BZW1: variants seen among roughly 807,000 people sequenced by gnomAD.
The protein encoded by BZW1 is eIF5-mimic protein 2.
Under a neutral mutation model 54.1 loss-of-function variants are expected in BZW1, and 3 were observed. That is an observed-to-expected ratio of 0.06 (90% CI 0.03 to 0.14). The LOEUF is 0.14. Among genes scored for constraint, BZW1 ranks in the 10% least tolerant of loss-of-function variants. BZW1 has a pLI of 1.00. For synonymous variants in BZW1, 152 were observed against 162.7 expected (o/e 0.93, Z 0.50); for missense variants, 206 against 491.7 (o/e 0.42, Z 5.50).
chr2:200,812,079 G>C (rs1306420079), intron 1 of BZW1, 89 bp downstream of exon 1: 1 of 524,846 alleles, frequency 1.9e-6, no homozygotes. Context: ...GCTGGATGCG[G>C]CCCGGCTTGG....
Position 200,826,833 on chromosome 2 carries a change from A to G in BZW1, c.*4655A>G, listed in dbSNP as rs1176099747. On this transcript the variant is annotated 3_prime_UTR_variant, in exon 12 of 12. Transcript: ENST00000409600. ...GGTGCTACAACGTTAATCAAATATA[A>G]TTGAGCTGTTCTGTTTCCAGTCAGT... 1 of 152,122 alleles carries G rather than the reference A, an allele frequency of 6.6e-6. No homozygotes were observed. The highest frequency in any genetic ancestry group is 2.4e-5 in the African/African-American group (1 of 41,416). The allele number at this position is 152,122 out of a possible 1,614,324, so 9.4% of individuals were successfully genotyped here.
rs771970525 is a variant in BZW1, at chr2:200,815,397, A to G, written c.121A>G (p.Thr41Ala). The G allele has an allele frequency of 6.2e-7, 1 of 1,614,012 alleles. No individual in the cohort carries two copies. The highest frequency in any genetic ancestry group is 1.3e-5 in the African/African-American group (1 of 75,066). ...TCAAGACTGTATTATTCAAGGCTTA[A>G]CTGAAACCGGTACTGATTTGGAAGC... is the stretch of plus-strand genomic sequence containing the variant. ...QFQDCIIQGL[T>A]ETGTDLEAVA... The change falls in exon 3 of 12, where the codon ACT (threonine) becomes GCT (alanine). Residue 41 changes from threonine to alanine, a missense_variant. Around this residue, in one of 5 missense-constraint regions of BZW1, gnomAD observed 26 missense variants for 26.9 expected, o/e 0.97. Coordinates refer to ENST00000409600, the MANE Select transcript of BZW1 (RefSeq NM_001207067.2).
At position 200,813,202 on chromosome 2, in the gene BZW1, T is replaced by TA; in HGVS notation, c.-10-6_-10-5insA. ...TGATATTAAGGCTTTATTTCTCCTT[T>TA]CCTAGGGTGTCTTTTATGAATAATC... On this transcript the variant is annotated splice_region_variant and splice_polypyrimidine_tract_variant and intron_variant, in intron 1 of 11. Transcript: ENST00000409600. 1 of 1,611,642 alleles carries TA rather than the reference T, an allele frequency of 6.2e-7. No homozygotes were observed. The highest frequency in any genetic ancestry group is 2.2e-5 in the East Asian group (1 of 44,852).
At position 200,823,289 on chromosome 2, in the gene BZW1, A is replaced by G. The variant is rs1219791080; in HGVS notation, c.*1111A>G. The G allele has an allele frequency of 1.2e-5, 2 of 164,760 alleles. No individual in the cohort carries two copies. The highest frequency in any genetic ancestry group is 1.9e-4 in the East Asian group (1 of 5,208). The allele number at this position is 164,760 out of a possible 1,614,324, so 10.2% of individuals were successfully genotyped here. A position where few individuals can be genotyped will look rare whatever the true frequency, so the allele number is the denominator to read the frequency against. ...TCAGTAATGACTCAAGCCTCTGGCTATTAACATACCCTAGTTGCCGTTTTT... is the reference window on the plus strand; with the variant it reads ...TCAGTAATGACTCAAGCCTCTGGCTGTTAACATACCCTAGTTGCCGTTTTT... On this transcript the variant is annotated 3_prime_UTR_variant, in exon 12 of 12. Coordinates refer to ENST00000409600, the MANE Select transcript of BZW1 (RefSeq NM_001207067.2).
chr2:200,812,777 G>A, intron 1 of BZW1: 2 of 708,406 alleles, frequency 2.8e-6, no homozygotes, highest in Non-Finnish European at 5.3e-6. Flanking sequence ...CAGAAGAAGG[G>A]GTTCACCTTT....
rs2287006 is a variant in BZW1 at position 200,821,377 on chromosome 2, T to C, written c.1228+72T>C. 5,972 of 1,555,802 alleles carry C rather than the reference T, an allele frequency of 3.8e-3. 123 individuals carry two copies. The highest frequency in any genetic ancestry group is 0.019 in the East Asian group (844 of 44,028). On this transcript the variant is annotated intron_variant, in intron 11 of 11. Coordinates refer to ENST00000409600, the MANE Select transcript of BZW1 (RefSeq NM_001207067.2). The stretch of plus-strand genomic sequence containing the variant: ...TGTGGCCATAATATATCTTCACACA[T>C]GCTTCCTTCTTTCTGATGCCATTTT...
intron 2 of BZW1, among the ~76,000 whole-genome samples, chr2:200,814,217 T>C (rs2038204669): frequency 1.3e-5 from 2 of 152,254 alleles, no homozygotes; most frequent in South Asian, 2.1e-4. Context: ...GGGTTACTGA[T>C]GTTACCTTGA....
intron 10 of BZW1, 63 bp downstream of exon 10, chr2:200,820,183 T>G (rs1046895234): frequency 7.4e-7 from 1 of 1,348,644 alleles, no homozygotes; most frequent in Non-Finnish European, 9.9e-7. Context: ...CACAAAATTA[T>G]CCAAATGATG....
At chr2:200,820,699 C>G (rs767452533) in intron 10 of BZW1, among the ~76,000 whole-genome samples, 14 of 152,042 alleles carry the variant, frequency 9.2e-5, no homozygotes, top group Non-Finnish European at 1.6e-4. Flanking sequence ...AAAAAAATCC[C>G]CAAGTCCCTT....
chr2:200,818,327 C>T lies in BZW1; in HGVS notation c.753C>T (p.Ile251=), dbSNP rs201656083. The T allele has an allele frequency of 1.0e-3, 1,652 of 1,609,264 alleles. 4 individuals are homozygous for T. The highest frequency in any genetic ancestry group is 7.0e-4 in the Non-Finnish European group (830 of 1,178,350). Residue 251 remains isoleucine, a synonymous_variant, in exon 8 of 12, where the codon ATC becomes ATT. Coordinates refer to ENST00000409600, the MANE Select transcript of BZW1 (RefSeq NM_001207067.2). ...LSEYVRNQQT[I]GARKELQKEL... Reference sequence around the variant, plus strand: ...AATATGTTCGGAATCAGCAAACCATCGGAGCTCGTAAGGAGCTCCAGAAAG... The same window carrying T: ...AATATGTTCGGAATCAGCAAACCATTGGAGCTCGTAAGGAGCTCCAGAAAG...
At chr2:200,815,593 G>T in intron 3 of BZW1, 74 bp from the exon 4 acceptor site, 1 of 1,595,460 alleles carries the variant, frequency 6.3e-7, no homozygotes, top group Non-Finnish European at 8.5e-7. Flanking sequence ...TCTAGAATAT[G>T]AACTATTTGG....
At chr2:200,812,380 G>C in intron 1 of BZW1, 1 of 1,284,596 alleles carries the variant, frequency 7.8e-7, no homozygotes, top group Non-Finnish European at 9.8e-7. Flanking sequence ...CGCCGCCTCC[G>C]CCGCTGCTTT....
intron 9 of BZW1, chr2:200,819,196 C>A: frequency 3.1e-6 from 1 of 319,082 alleles, no homozygotes; most frequent in Non-Finnish European, 5.8e-6. Context: ...TAAGACGTGC[C>A]TGGGCAACAT....
At position 200,818,330 on chromosome 2, in the gene BZW1, A is replaced by C. The variant is rs2038369734; in HGVS notation, c.756A>C (p.Gly252=). ...ATGTTCGGAATCAGCAAACCATCGG[A>C]GCTCGTAAGGAGCTCCAGAAAGAAC... ...SEYVRNQQTI[G]ARKELQKELQ... is the part of the protein sequence containing the mutation. Residue 252 remains glycine (G), a synonymous_variant, in exon 8 of 12, where the codon GGA becomes GGC. Coordinates refer to ENST00000409600, the MANE Select transcript of BZW1 (RefSeq NM_001207067.2). 1 of 1,609,612 alleles carries C rather than the reference A, an allele frequency of 6.2e-7. No individual in the cohort carries two copies. The highest frequency in any genetic ancestry group is 1.7e-4 in the Middle Eastern group (1 of 6,040).
intron 1 of BZW1, chr2:200,812,963 GT>G: frequency 2.9e-6 from 2 of 681,002 alleles, no homozygotes; most frequent in Non-Finnish European, 5.5e-6. Context: ...GCACTACAAT[GT>G]CGCTTAAAAG....
At chr2:200,813,754 A>G (rs999548441) in intron 2 of BZW1, among the ~76,000 whole-genome samples, 12 of 152,222 alleles carry the variant, frequency 7.9e-5, no homozygotes, top group Non-Finnish European at 1.8e-4. Context: ...ACTTAGTAGA[A>G]AAAGTATTAG....
In BZW1 at chr2:200,823,091, T is replaced by TA. The variant is rs2038580935; in HGVS notation, c.*916dup. ...TGAGTAAAGAAAATGACTGATGTAC[T>TA]AAACCCAGTAAAAATTGTTGAAAAT... On this transcript the variant is annotated 3_prime_UTR_variant, in exon 12 of 12. Transcript: ENST00000409600. 1 of 163,206 alleles carries TA rather than the reference T, an allele frequency of 6.1e-6. No homozygotes were observed. The highest frequency in any genetic ancestry group is 6.7e-5 in the Admixed American group (1 of 14,844). 10.1% of individuals were successfully genotyped at this position (163,206 alleles called of 1,614,324 possible). A position where few individuals can be genotyped will look rare whatever the true frequency, so the allele number is the denominator to read the frequency against.
intron 8 of BZW1, 49 bp from the exon 9 acceptor site, chr2:200,818,706 G>A (rs2038385025): frequency 6.4e-7 from 1 of 1,551,534 alleles, no homozygotes; most frequent in African/African-American, 1.4e-5. Flanking sequence ...TGTGAAGTAT[G>A]TACATAATCA....
intron 2 of BZW1, among the ~76,000 whole-genome samples, chr2:200,814,020 A>G (rs1227415293): frequency 6.6e-6 from 1 of 152,196 alleles, no homozygotes. Flanking sequence ...TATATATTGT[A>G]GAATTTTAAA....
Sources: gnomAD v4.1 joint callset for allele counts (sites outside exome capture counted in the v4.1 genomes callset) on GRCh38, gnomAD v4.1.1 for gene constraint, gnomAD v4.1.1 regional missense constraint, MANE v1.5 for transcripts, NCBI Gene and HGNC (gene_info 2026-07-23, HGNC 2026-07-21) for gene names.